The following LMO1 variants were observed in gnomAD, a reference collection of about 807,000 sequenced individuals.
LMO1 encodes the protein rhombotin-1.
Under a neutral mutation model 18.0 loss-of-function variants are expected in LMO1, and 10 were observed. The observed-to-expected ratio is 0.55, with a 90% CI of 0.34 to 0.94. The LOEUF (loss-of-function observed/expected upper bound fraction) is 0.94. Ranked by LOEUF, LMO1 falls within the 40% of genes least tolerant of loss-of-function variation. LMO1 has a pLI of 0.02. For missense variants in LMO1, 183 were observed against 205.7 expected, an observed-to-expected ratio of 0.89 and a Z score of 0.68; for synonymous variants, 77 against 77.9, an observed-to-expected ratio of 0.99 and a Z score of 0.06.
intron 1 of LMO1, among the ~76,000 whole-genome samples, chr11:8,245,343 A>G (rs1338208821): frequency 6.6e-6 from 1 of 152,074 alleles, no homozygotes; most frequent in East Asian, 1.9e-4. Context: ...ATCGACCCAT[A>G]TTGTGAACTC....
At chr11:8,251,097 G>C (rs1206925443) in intron 1 of LMO1, among the ~76,000 whole-genome samples, 4 of 152,196 alleles carry the variant, frequency 2.6e-5, no homozygotes, top group Non-Finnish European at 5.9e-5. Context: ...GACCTCACTG[G>C]GAGTTCCTTT....
At chr11:8,257,335 G>A (rs1457810962) in intron 1 of LMO1, among the ~76,000 whole-genome samples, 1 of 152,190 alleles carries the variant, frequency 6.6e-6, no homozygotes, top group Non-Finnish European at 1.5e-5. Context: ...AAGCAAGATG[G>A]GACACATGCC....
chr11:8,268,407 ACCGGGCG>A, upstream of LMO1: 1 of 1,467,430 alleles, frequency 6.8e-7, no homozygotes, highest in Non-Finnish European at 9.0e-7. Context: ...GGGCACCGGC[ACCGGGCG>A]CCGGGCACCT....
rs1273858490 is a variant in LMO1, at chr11:8,224,585, A to G, written c.*31T>C. ...GGCAGGTGGGCAGGCGGGCAGATGG[A>G]CAGACGGGCCTGGAGGCCAGGCGCC... On this transcript the variant is annotated 3_prime_UTR_variant, in exon 4 of 4. Coordinates refer to ENST00000335790, the MANE Select transcript of LMO1 (RefSeq NM_002315.3). The G allele has an allele frequency of 2.8e-6, 4 of 1,415,976 alleles. No individual in the cohort carries two copies. In the African/African-American group the frequency reaches 4.3e-5, roughly 15 times the overall value. The allele number at this position is 1,415,976 out of a possible 1,614,324, so 87.7% of individuals were successfully genotyped here.
At chr11:8,243,075 G>A (rs1846825553) in intron 1 of LMO1, among the ~76,000 whole-genome samples, 1 of 152,194 alleles carries the variant, frequency 6.6e-6, no homozygotes, top group African/African-American at 2.4e-5. Context: ...GGGTTAAGAG[G>A]GAGAATCCAG....
chr11:8,247,886 T>C (rs1846923062), intron 1 of LMO1, among the ~76,000 whole-genome samples: 1 of 152,248 alleles, frequency 6.6e-6, no homozygotes, highest in Non-Finnish European at 1.5e-5. Flanking sequence ...GGAGTACATG[T>C]TGCAAGTACC....
chr11:8,226,900 G>A, intron 3 of LMO1, 75 bp downstream of exon 3: 5 of 1,532,450 alleles, frequency 3.3e-6, no homozygotes, highest in Middle Eastern at 2.2e-4. Flanking sequence ...CGCCTCCGCC[G>A]TGCTCCTGGC....
chr11:8,250,661 G>A (rs1324225098), intron 1 of LMO1, among the ~76,000 whole-genome samples: 4 of 152,274 alleles, frequency 2.6e-5, no homozygotes, highest in Non-Finnish European at 5.9e-5. Context: ...GGGGAGAGCA[G>A]CTGCCTGGAA....
In LMO1 at chr11:8,263,544, A is replaced by C. The variant is rs937973881; in HGVS notation, c.-182T>G. The C allele has an allele frequency of 1.1e-4, 153 of 1,364,444 alleles. 1 individual carries two copies. The highest frequency in any genetic ancestry group is 1.4e-4 in the Non-Finnish European group (149 of 1,060,900). 84.5% of individuals were successfully genotyped at this position (1,364,444 alleles called of 1,614,324 possible). A position where few individuals can be genotyped will look rare whatever the true frequency, so the allele number is the denominator to read the frequency against. ...CATTCAGGAGTGAAGCACTTCGCAG[A>C]TACAAAAGCAGTCTCACCTACTTTT... is the stretch of plus-strand genomic sequence containing the variant. On this transcript the variant is annotated 5_prime_UTR_variant, in exon 1 of 4. Coordinates refer to ENST00000335790, the MANE Select transcript of LMO1 (RefSeq NM_002315.3).
chr11:8,261,814 C>T (rs1391959075), intron 1 of LMO1, among the ~76,000 whole-genome samples: 2 of 152,106 alleles, frequency 1.3e-5, no homozygotes, highest in African/African-American at 2.4e-5. Flanking sequence ...TGAAGTTCTC[C>T]GATGGCCTAC....
chr11:8,258,041 G>A (rs761606711), intron 1 of LMO1, among the ~76,000 whole-genome samples: 1 of 152,188 alleles, frequency 6.6e-6, no homozygotes, highest in Non-Finnish European at 1.5e-5. Flanking sequence ...AAGGTAGAGA[G>A]GCAAAGGTTT....
intron 1 of LMO1, among the ~76,000 whole-genome samples, chr11:8,256,895 G>C (rs1374266830): frequency 6.6e-6 from 1 of 152,224 alleles, no homozygotes; most frequent in Non-Finnish European, 1.5e-5. Context: ...GGGTAGCAGA[G>C]GTTGGGTCAG....
At chr11:8,260,886 G>C (rs780843922) in intron 1 of LMO1, among the ~76,000 whole-genome samples, 4 of 152,100 alleles carry the variant, frequency 2.6e-5, no homozygotes, top group Admixed American at 6.5e-5. Flanking sequence ...GGGGGAGCCG[G>C]GGGGTGGGGG....
intron 2 of LMO1, 47 bp downstream of exon 2, chr11:8,230,243 CT>C: frequency 6.4e-7 from 1 of 1,566,528 alleles, no homozygotes. Context: ...GGATGGGGAG[CT>C]TTCTGAGCAG....
At chr11:8,256,967 G>C (rs1247336018) in intron 1 of LMO1, among the ~76,000 whole-genome samples, 1 of 152,232 alleles carries the variant, frequency 6.6e-6, no homozygotes, top group Non-Finnish European at 1.5e-5. Context: ...GGTAGCAGAG[G>C]AGAAAAGGGT....
chr11:8,251,455 G>C (rs113917463), intron 1 of LMO1, among the ~76,000 whole-genome samples: 140 of 152,356 alleles, frequency 9.2e-4, no homozygotes, highest in African/African-American at 3.1e-3. Context: ...CAGGAAAGAA[G>C]CGGGGCCCTC....
intron 1 of LMO1, among the ~76,000 whole-genome samples, chr11:8,232,107 G>A (rs1209653064): frequency 6.6e-6 from 1 of 152,264 alleles, no homozygotes; most frequent in East Asian, 1.9e-4. Flanking sequence ...TCCTGGACAG[G>A]TGAGTCTGGG....
chr11:8,231,619 G>A (rs1053282562), intron 1 of LMO1, among the ~76,000 whole-genome samples: 5 of 152,174 alleles, frequency 3.3e-5, no homozygotes, highest in African/African-American at 1.2e-4. Flanking sequence ...CAGGGAGCGT[G>A]TGCATGCTCC....
chr11:8,247,540 G>A (rs11041822), intron 1 of LMO1, among the ~76,000 whole-genome samples: 9,429 of 152,314 alleles, frequency 0.062, 376 homozygotes, highest in South Asian at 0.17. Flanking sequence ...CCCAGAGTTG[G>A]GAATGAGCAG....
Sources: gnomAD v4.1 joint callset for allele counts (sites outside exome capture counted in the v4.1 genomes callset) on GRCh38, gnomAD v4.1.1 for gene constraint, MANE v1.5 for transcripts, NCBI Gene and HGNC (gene_info 2026-07-23, HGNC 2026-07-21) for gene names.